Variants in CUL3 observed in about 807,000 individuals in gnomAD.
CUL3 encodes cullin 3.
A neutral mutation model predicts 89.1 loss-of-function variants in CUL3; 19 were observed. The observed-to-expected ratio is 0.21, with a 90% CI of 0.15 to 0.31. CUL3 has a LOEUF of 0.31. Ranked by LOEUF, CUL3 falls within the 10% of genes least tolerant of loss-of-function variation. The pLI, the probability that CUL3 is intolerant of heterozygous loss-of-function variation, is 1.00. For synonymous variants in CUL3, 351 were observed against 308.4 expected (o/e 1.14, Z -1.45); for missense variants, 469 against 942.3 (o/e 0.50, Z 6.58).
intron 1 of CUL3, among the ~76,000 whole-genome samples, chr2:224,582,166 A>G (rs1695456920): frequency 6.6e-6 from 1 of 152,016 alleles, no homozygotes; most frequent in South Asian, 2.1e-4. Flanking sequence ...GGATTTCACC[A>G]TGTTGGCCCG....
chr2:224,569,277 A>T (rs1695122124), intron 1 of CUL3, among the ~76,000 whole-genome samples: 1 of 152,214 alleles, frequency 6.6e-6, no homozygotes, highest in South Asian at 2.1e-4. Flanking sequence ...CTATATACAC[A>T]AACATGTAAT....
intron 3 of CUL3, among the ~76,000 whole-genome samples, chr2:224,516,172 C>T (rs554882248): frequency 1.3e-5 from 2 of 152,274 alleles, no homozygotes; most frequent in East Asian, 3.9e-4. Flanking sequence ...AGCACAAGCT[C>T]ACATCACATT....
At chr2:224,497,966 T>C (rs945999796) in intron 11 of CUL3, 117 bp from the exon 12 acceptor site, 8 of 741,440 alleles carry the variant, frequency 1.1e-5, no homozygotes, top group Non-Finnish European at 1.3e-5. Context: ...GTATGGACTT[T>C]AAAACTTAAA....
chr2:224,584,938 A>T lies in CUL3; in HGVS notation c.66+6T>A. 6.8e-7 allele frequency: 1 copy of T among 1,476,986 alleles called. No individual in the cohort carries two copies. The highest frequency in any genetic ancestry group is 2.9e-5 in the East Asian group (1 of 34,264). The allele number at this position is 1,476,986 out of a possible 1,614,324, so 91.5% of individuals were successfully genotyped here. A position where few individuals can be genotyped will look rare whatever the true frequency, so the allele number is the denominator to read the frequency against. ...CCGGGGTCCCGGACGCCGAGGAGAG[A>T]CTCACCGGAAAGGCCCGGATCCGCA... On this transcript the variant is annotated splice_donor_region_variant and intron_variant, in intron 1 of 15. Coordinates refer to ENST00000264414, the MANE Select transcript of CUL3 (RefSeq NM_003590.5).
intron 14 of CUL3, 153 bp from the exon 15 acceptor site, chr2:224,478,498 T>G: frequency 1.8e-6 from 1 of 545,356 alleles, no homozygotes; most frequent in Non-Finnish European, 3.0e-6. Context: ...TCAGAAACTG[T>G]CTTAATGTTT....
rs192448680 is a variant in CUL3 at position 224,566,931 on chromosome 2, G to A, written c.67-9075C>T. On this transcript the variant is annotated intron_variant, in intron 1 of 15. Transcript: ENST00000264414. ...AAACTTCCTTTTAACAATGGTCCTG[G>A]CTTCATTTACCTTGAAATGGCAGGT... Among the ~76,000 whole-genome samples, 10 of 152,264 alleles carry A rather than the reference G, an allele frequency of 6.6e-5. 1 individual carries two copies. In the East Asian group the frequency reaches 1.9e-3, roughly 29 times the overall value.
chr2:224,531,281 T>C (rs1486777981), intron 3 of CUL3, among the ~76,000 whole-genome samples: 9 of 151,770 alleles, frequency 5.9e-5, no homozygotes, highest in Non-Finnish European at 1.5e-5. Flanking sequence ...AGAGATGGGG[T>C]TTCACCACAC....
intron 2 of CUL3, among the ~76,000 whole-genome samples, chr2:224,542,556 CGT>C (rs35806786): frequency 0.016 from 2,344 of 150,454 alleles, 58 homozygotes; most frequent in African/African-American, 0.052. Flanking sequence ...TGTGCGTGTG[CGT>C]GTGTGTGTGT....
intron 11 of CUL3, among the ~76,000 whole-genome samples, chr2:224,498,811 T>C (rs1017567168): frequency 1.3e-5 from 2 of 152,160 alleles, no homozygotes; most frequent in East Asian, 3.8e-4. Flanking sequence ...TCCTGGAAAA[T>C]GGCCTATGTT....
At chr2:224,523,574 CAAA>C (rs1693348864) in intron 3 of CUL3, among the ~76,000 whole-genome samples, 1 of 152,064 alleles carries the variant, frequency 6.6e-6, no homozygotes, top group African/African-American at 2.4e-5. Context: ...GGTATACACC[CAAA>C]AGAAATGAAA....
intron 1 of CUL3, among the ~76,000 whole-genome samples, chr2:224,576,315 CAG>C (rs1014669664): frequency 3.3e-5 from 5 of 152,136 alleles, no homozygotes; most frequent in African/African-American, 1.2e-4. Flanking sequence ...AGCTAGTAAA[CAG>C]AAAGACTGGA....
At chr2:224,494,181 T>C (rs1300372440) in intron 13 of CUL3, among the ~76,000 whole-genome samples, 3 of 152,168 alleles carry the variant, frequency 2.0e-5, no homozygotes, top group African/African-American at 4.8e-5. Flanking sequence ...GACATGAATA[T>C]TAAATAGGCC....
chr2:224,488,740 G>A (rs1262250966), intron 13 of CUL3, among the ~76,000 whole-genome samples: 3 of 152,086 alleles, frequency 2.0e-5, no homozygotes, highest in Non-Finnish European at 4.4e-5. Flanking sequence ...TAAAAAGAGG[G>A]ACTTCACCTT....
chr2:224,576,026 G>C (rs990646233), intron 1 of CUL3, among the ~76,000 whole-genome samples: 1 of 152,202 alleles, frequency 6.6e-6, no homozygotes, highest in Non-Finnish European at 1.5e-5. Flanking sequence ...GTATCTGTGA[G>C]GAAGGTATTA....
rs763032588 is a variant in CUL3, at chr2:224,505,994, A to C, written c.1168T>G (p.Leu390Val). The C allele has an allele frequency of 6.2e-7, 1 of 1,607,692 alleles. No individual in the cohort carries two copies. Among genetic ancestry groups the C allele is most frequent in the Non-Finnish European group, 8.5e-7 (1 of 1,176,622 alleles). The change falls in exon 8 of 16, where the codon TTA becomes GTA. Residue 390 changes from leucine to valine, a missense_variant. Around this residue, in one of 4 missense-constraint regions of CUL3, gnomAD observed 370 missense variants for 733.2 expected, o/e 0.50. Coordinates refer to ENST00000264414, the MANE Select transcript of CUL3 (RefSeq NM_003590.5). ...TTTTTCAGCTTATCATCAATAAATAATGAGAGGTATTCAGGAGACCTGGAG... is the reference window on the plus strand; with the variant it reads ...TTTTTCAGCTTATCATCAATAAATACTGAGAGGTATTCAGGAGACCTGGAG... ...LNSRSPEYLS[L>V]FIDDKLKKGV...
intron 1 of CUL3, among the ~76,000 whole-genome samples, chr2:224,564,028 G>A (rs1322138892): frequency 6.6e-6 from 1 of 152,198 alleles, no homozygotes; most frequent in African/African-American, 2.4e-5. Flanking sequence ...GCTCACACCT[G>A]TAATCCCAGC....
At chr2:224,524,892 GGTAA>G (rs1422604748) in intron 3 of CUL3, among the ~76,000 whole-genome samples, 6 of 151,758 alleles carry the variant, frequency 4.0e-5, no homozygotes, top group East Asian at 1.9e-4. Context: ...CCCAGAAAGT[GGTAA>G]GTAACAAAAC....
chr2:224,501,129 A>G (rs908378176), intron 10 of CUL3, among the ~76,000 whole-genome samples: 5 of 152,346 alleles, frequency 3.3e-5, no homozygotes, highest in African/African-American at 2.4e-5. Context: ...AGGGTCAATT[A>G]TATCATTTTA....
At chr2:224,475,007 G>A (rs560238014) in intron 15 of CUL3, among the ~76,000 whole-genome samples, 3 of 152,216 alleles carry the variant, frequency 2.0e-5, no homozygotes, top group Non-Finnish European at 2.9e-5. Context: ...TTGCATGTAT[G>A]AGTTTATTTA....
Sources: allele counts gnomAD v4.1 joint callset (sites outside exome capture counted in the v4.1 genomes callset), GRCh38; gene constraint gnomAD v4.1.1; regional missense constraint gnomAD v4.1.1; transcripts MANE v1.5; gene names NCBI Gene and HGNC (gene_info 2026-07-23, HGNC 2026-07-21).